The following TTI1 variants were observed in gnomAD, a reference collection of about 807,000 sequenced individuals.
TTI1 encodes the protein TELO2 interacting protein 1.
In TTI1, 52 loss-of-function variants were observed where a neutral mutation model predicts 85.4. The ratio of observed to expected loss-of-function variants is 0.61; its 90% CI spans 0.49 to 0.77. The LOEUF (loss-of-function observed/expected upper bound fraction) is 0.77, where lower values mean the gene tolerates loss of function less well. Ranked by LOEUF, TTI1 falls within the 30% of genes least tolerant of loss-of-function variation. TTI1 has a pLI of 0.00. For missense variants in TTI1, 1,173 were observed against 1,296.0 expected, an observed-to-expected ratio of 0.91 and a Z score of 1.46; for synonymous variants, 512 against 503.9, an observed-to-expected ratio of 1.02 and a Z score of -0.22.
Position 38,013,022 on chromosome 20 carries a change from C to G in TTI1, c.795G>C (p.Glu265Asp), listed in dbSNP as rs1395824019. The change falls in exon 2 of 8, where the codon GAG (glutamate) becomes GAC (aspartate). Residue 265 changes from glutamate (E) to aspartate (D), a missense_variant. By Grantham distance (45) the Glu-to-Asp change is conservative. Coordinates refer to ENST00000373447, the MANE Select transcript of TTI1 (RefSeq NM_001303457.2). ...ISKVQAKPAVEHRVAELMVYR... is the reference protein window; with the variant it reads ...ISKVQAKPAVDHRVAELMVYR... ...AAACCATCAGCTCTGCTACTCTGTG[C>G]TCAACTGCAGGTTTTGCTTGGACCT... 1 of 1,614,050 alleles carries G rather than the reference C, an allele frequency of 6.2e-7. No homozygotes were observed. Among genetic ancestry groups the G allele is most frequent in the Non-Finnish European group, 8.5e-7 (1 of 1,180,024 alleles).
intron 2 of TTI1, among the ~76,000 whole-genome samples, 162 bp downstream of exon 2, chr20:38,011,353 G>T (rs927055512): frequency 1.3e-5 from 2 of 152,156 alleles, no homozygotes; most frequent in African/African-American, 4.8e-5. Context: ...AAGTATAAAA[G>T]ATAAACAGTG....
At chr20:38,005,485 A>G (rs1016438392) in intron 3 of TTI1, among the ~76,000 whole-genome samples, 2 of 152,194 alleles carry the variant, frequency 1.3e-5, no homozygotes, top group Non-Finnish European at 1.5e-5. Context: ...TAAATAGACA[A>G]TGGGAATAAG....
At chr20:37,990,661 A>T (rs2073250534) in intron 7 of TTI1, among the ~76,000 whole-genome samples, 1 of 152,140 alleles carries the variant, frequency 6.6e-6, no homozygotes, top group African/African-American at 2.4e-5. Context: ...CACGCCTCTG[A>T]GGTGTTCGAG....
chr20:38,014,954 A>G (rs2073659864), intron 1 of TTI1, among the ~76,000 whole-genome samples: 1 of 152,158 alleles, frequency 6.6e-6, no homozygotes, highest in Non-Finnish European at 1.5e-5. Flanking sequence ...GAGACCATAA[A>G]TGTGTATAAC....
chr20:38,014,649 C>T (rs918348138), intron 1 of TTI1, among the ~76,000 whole-genome samples: 5 of 152,114 alleles, frequency 3.3e-5, no homozygotes, highest in African/African-American at 1.2e-4. Flanking sequence ...ACAGAACACA[C>T]AGGAGAAGAC....
At chr20:37,990,840 C>T (rs755148664) in intron 7 of TTI1, among the ~76,000 whole-genome samples, 4 of 152,210 alleles carry the variant, frequency 2.6e-5, no homozygotes, top group Admixed American at 6.5e-5. Context: ...ACACACCCCA[C>T]GCTTGGCTTT....
At position 38,017,462 on chromosome 20, in the gene TTI1, C is replaced by T. The variant is rs1007563856; in HGVS notation, c.-41-3605G>A. ...CGCGCGCGCCTTTGGTGTGTGCGCACGAGCCTTTGGTGCATGTGTTGATCC... is the reference window on the plus strand; with the variant it reads ...CGCGCGCGCCTTTGGTGTGTGCGCATGAGCCTTTGGTGCATGTGTTGATCC... On this transcript the variant is annotated intron_variant, in intron 1 of 7. Transcript: ENST00000373447. Among the ~76,000 whole-genome samples, 10 of 150,800 alleles carry T rather than the reference C, an allele frequency of 6.6e-5. 1 individual carries two copies. The highest frequency in any genetic ancestry group is 2.5e-4 in the African/African-American group (10 of 40,816).
chr20:38,020,317 A>ATATATATATATATATATATAT (rs1568628878), intron 1 of TTI1, among the ~76,000 whole-genome samples: 2 of 44,050 alleles, frequency 4.5e-5, no homozygotes, highest in South Asian at 9.6e-4. Flanking sequence ...TATGAAAAAA[A>ATATATATATATATATATATAT]AAAAAAATAT....
intron 1 of TTI1, among the ~76,000 whole-genome samples, chr20:38,015,118 G>A (rs935235955): frequency 2.0e-5 from 3 of 152,132 alleles, no homozygotes; most frequent in African/African-American, 4.8e-5. Context: ...GAACACTCCC[G>A]AACTCGGTGG....
chr20:38,008,053 C>T (rs527984894), intron 2 of TTI1, among the ~76,000 whole-genome samples: 22 of 152,318 alleles, frequency 1.4e-4, no homozygotes, highest in African/African-American at 2.2e-4. Context: ...CTCAATCTCA[C>T]GTTTAATGCA....
chr20:38,006,191 A>C lies in TTI1; in HGVS notation c.2503+6T>G, dbSNP rs555849956. On this transcript the variant is annotated splice_donor_region_variant and intron_variant, in intron 3 of 7. Transcript: ENST00000373447. ...AAAACCAGCTAAGCCAAAATAAACA[A>C]GTTACCTTCTTCATTATCAAAATCC... is the stretch of plus-strand genomic sequence containing the variant. 1 of 1,614,058 alleles carries C rather than the reference A, an allele frequency of 6.2e-7. No homozygotes were observed. The highest frequency in any genetic ancestry group is 1.1e-5 in the South Asian group (1 of 91,052).
rs1394277775 is a variant in TTI1 at position 38,013,368 on chromosome 20, C to T, written c.449G>A (p.Arg150His). The change falls in exon 2 of 8, where the codon CGT (arginine) becomes CAT (histidine). Residue 150 changes from arginine to histidine, a missense_variant. By Grantham distance (29) the Arg-to-His change is conservative. Coordinates refer to ENST00000373447, the MANE Select transcript of TTI1 (RefSeq NM_001303457.2). ...CAGTAAAGATACAGCAAATCCTAAACGTGGCAGAATGGAGGGCTCATAAAA... is the reference window on the plus strand; with the variant it reads ...CAGTAAAGATACAGCAAATCCTAAATGTGGCAGAATGGAGGGCTCATAAAA... ...LTFYEPSILP[R>H]LGFAVSLLLG... 16 of 1,613,972 alleles carry T rather than the reference C, an allele frequency of 9.9e-6. No homozygotes were observed. The highest frequency in any genetic ancestry group is 2.2e-5 in the South Asian group (2 of 91,084).
At chr20:38,009,331 C>G (rs946467341) in intron 2 of TTI1, among the ~76,000 whole-genome samples, 2 of 152,036 alleles carry the variant, frequency 1.3e-5, no homozygotes, top group East Asian at 3.9e-4. Context: ...CACAGGCTTC[C>G]AAGTAGCTGC....
chr20:37,997,405 G>A (rs2073358194), intron 5 of TTI1, among the ~76,000 whole-genome samples: 2 of 152,188 alleles, frequency 1.3e-5, no homozygotes, highest in South Asian at 4.1e-4. Flanking sequence ...GCAGGCATCA[G>A]GAGGTTAGTG....
chr20:38,011,586 G>A lies in TTI1; in HGVS notation c.2231C>T (p.Thr744Ile). 1.2e-6 allele frequency: 2 copies of A among 1,614,204 alleles called. No individual in the cohort carries two copies. The highest frequency in any genetic ancestry group is 1.7e-6 in the Non-Finnish European group (2 of 1,180,046). ...VADVVQDVLA[T>I]LDQFYDKRAA... is the part of the protein sequence containing the mutation. ...TCTCTTATCGTAAAATTGGTCCAGG[G>A]TGGCCAAGACATCTTGAACCACATC... The change falls in exon 2 of 8, where the codon ACC becomes ATC. Residue 744 changes from threonine (T) to isoleucine (I), a missense_variant. Coordinates refer to ENST00000373447, the MANE Select transcript of TTI1 (RefSeq NM_001303457.2).
At chr20:38,006,122 T>C in intron 3 of TTI1, 75 bp downstream of exon 3, 4 of 1,534,720 alleles carry the variant, frequency 2.6e-6, no homozygotes, top group Non-Finnish European at 3.6e-6. Flanking sequence ...ACCCTTTCTG[T>C]AATGATGTTT....
In TTI1 at chr20:38,012,546, T is replaced by C; in HGVS notation, c.1271A>G (p.His424Arg). ...GAGTGCTTTGGAAAGCCGCTGGAGATGGGCCACAGAGTTGAGGACAAAGTT... is the reference window on the plus strand; with the variant it reads ...GAGTGCTTTGGAAAGCCGCTGGAGACGGGCCACAGAGTTGAGGACAAAGTT... ...KINFVLNSVA[H>R]LQRLSKALIQ... Residue 424 changes from histidine to arginine, a missense_variant, in exon 2 of 8, where the codon CAT (histidine) becomes CGT (arginine). Physicochemically the swap from His to Arg is conservative, Grantham distance 29. Coordinates refer to ENST00000373447, the MANE Select transcript of TTI1 (RefSeq NM_001303457.2). 3.1e-6 allele frequency: 5 copies of C among 1,614,174 alleles called. No homozygotes were observed. The highest frequency in any genetic ancestry group is 4.2e-6 in the Non-Finnish European group (5 of 1,180,044).
chr20:38,031,856 T>C (rs1453005769), intron 1 of TTI1, among the ~76,000 whole-genome samples: 2 of 152,240 alleles, frequency 1.3e-5, no homozygotes, highest in Non-Finnish European at 2.9e-5. Flanking sequence ...CAAATAGTGA[T>C]TGTAATAATT....
At chr20:37,984,345 C>T (rs1159202070) in intron 7 of TTI1, among the ~76,000 whole-genome samples, 3 of 152,320 alleles carry the variant, frequency 2.0e-5, no homozygotes, top group South Asian at 2.1e-4. Flanking sequence ...TGTCCTCTGA[C>T]GCATGACAGG....
Sources: allele counts gnomAD v4.1 joint callset (sites outside exome capture counted in the v4.1 genomes callset), GRCh38; gene constraint gnomAD v4.1.1; transcripts MANE v1.5; gene names NCBI Gene and HGNC (gene_info 2026-07-23, HGNC 2026-07-21).